ASTN1: variants seen among roughly 807,000 people sequenced by gnomAD.
The protein encoded by ASTN1 is astrotactin 1.
A neutral mutation model predicts 140.7 loss-of-function variants in ASTN1; 41 were observed. The ratio of observed to expected loss-of-function variants is 0.29; its 90% CI spans 0.23 to 0.38. The LOEUF (loss-of-function observed/expected upper bound fraction) is 0.38, where lower values mean the gene tolerates loss of function less well. ASTN1 is among the 10% of genes least tolerant of loss of function. ASTN1 has a pLI of 1.00. For synonymous variants in ASTN1, 640 were observed against 652.2 expected, an observed-to-expected ratio of 0.98 and a Z score of 0.29; for missense variants, 1,479 against 1,678.8, an observed-to-expected ratio of 0.88 and a Z score of 2.08.
At chr1:177,026,721 T>A (rs931789091) in intron 5 of ASTN1, among the ~76,000 whole-genome samples, 1 of 152,218 alleles carries the variant, frequency 6.6e-6, no homozygotes, top group African/African-American at 2.4e-5. Flanking sequence ...TTAGATGATA[T>A]CTCATTGTAG....
At chr1:176,942,611 A>G (rs983945365) in intron 14 of ASTN1, among the ~76,000 whole-genome samples, 4 of 151,596 alleles carry the variant, frequency 2.6e-5, no homozygotes, top group Non-Finnish European at 5.9e-5. Flanking sequence ...CCTGCCTCCC[A>G]TTCTATTCAA....
At chr1:177,010,852 T>A (rs1328564515) in intron 8 of ASTN1, among the ~76,000 whole-genome samples, 2 of 152,224 alleles carry the variant, frequency 1.3e-5, no homozygotes, top group Admixed American at 6.5e-5. Context: ...ATAATCCAGA[T>A]AAATAAAAGT....
chr1:177,037,192 T>C (rs542763507), intron 2 of ASTN1, among the ~76,000 whole-genome samples: 2 of 152,186 alleles, frequency 1.3e-5, no homozygotes, highest in East Asian at 3.9e-4. Context: ...ATGGATACTG[T>C]AGGATTTTCC....
chr1:177,122,493 G>C (rs983890676), intron 1 of ASTN1, among the ~76,000 whole-genome samples: 11 of 152,108 alleles, frequency 7.2e-5, no homozygotes, highest in African/African-American at 2.2e-4. Flanking sequence ...ATGCTAGAGG[G>C]AAGATTTTTA....
At chr1:177,071,042 C>T (rs531593758) in intron 1 of ASTN1, among the ~76,000 whole-genome samples, 3 of 152,276 alleles carry the variant, frequency 2.0e-5, no homozygotes, top group South Asian at 2.1e-4. Flanking sequence ...GCTGCTTAAA[C>T]GTCTTCATAA....
chr1:176,890,549 G>T (rs1268641508), intron 17 of ASTN1, among the ~76,000 whole-genome samples: 2 of 152,194 alleles, frequency 1.3e-5, no homozygotes, highest in Admixed American at 6.5e-5. Context: ...GTGGGTTATG[G>T]TGAGGCAGGG....
intron 2 of ASTN1, among the ~76,000 whole-genome samples, chr1:177,033,410 T>C (rs1571684356): frequency 6.6e-6 from 1 of 152,130 alleles, no homozygotes; most frequent in Admixed American, 6.6e-5. Flanking sequence ...CCCAGGGTGG[T>C]TGTAAGAATT....
chr1:176,888,366 G>T (rs562498293), intron 17 of ASTN1, among the ~76,000 whole-genome samples, 162 bp from the exon 18 acceptor site: 4 of 152,180 alleles, frequency 2.6e-5, no homozygotes, highest in Non-Finnish European at 5.9e-5. Context: ...CCAGGAGATT[G>T]TTTCTGGGAA....
At chr1:177,067,322 A>C (rs1439665169) in intron 1 of ASTN1, among the ~76,000 whole-genome samples, 2 of 152,188 alleles carry the variant, frequency 1.3e-5, no homozygotes, top group Non-Finnish European at 2.9e-5. Flanking sequence ...CTCAGCAGCC[A>C]TTATGAGCTT....
intron 1 of ASTN1, among the ~76,000 whole-genome samples, chr1:177,095,708 G>A (rs1255559512): frequency 6.6e-6 from 1 of 152,214 alleles, no homozygotes; most frequent in Non-Finnish European, 1.5e-5. Flanking sequence ...GAGGTCCACT[G>A]TGGTGATGGA....
chr1:177,076,512 ATCTTT>A (rs1223188109), intron 1 of ASTN1, among the ~76,000 whole-genome samples: 2 of 149,684 alleles, frequency 1.3e-5, no homozygotes, highest in African/African-American at 4.9e-5. Flanking sequence ...GCTTTTCTTT[ATCTTT>A]TCTTTTCTTT....
intron 1 of ASTN1, among the ~76,000 whole-genome samples, chr1:177,092,382 T>C (rs949555965): frequency 6.6e-6 from 1 of 152,212 alleles, no homozygotes; most frequent in Non-Finnish European, 1.5e-5. Context: ...TAGGAGTTCT[T>C]TATACATACT....
At chr1:176,882,185 T>A (rs1668830736) in intron 20 of ASTN1, among the ~76,000 whole-genome samples, 1 of 152,258 alleles carries the variant, frequency 6.6e-6, no homozygotes, top group Non-Finnish European at 1.5e-5. Context: ...GTTCGCTGCA[T>A]TTCTTTGAAG....
chr1:176,864,275 C>T lies in ASTN1; in HGVS notation c.*9G>A. Reference sequence around the variant, plus strand: ...TTCATTCTGGCAGCAGCTCCCTGGCCTTATGGTGCTAGATCTCTTTGCTGT... The same window carrying T: ...TTCATTCTGGCAGCAGCTCCCTGGCTTTATGGTGCTAGATCTCTTTGCTGT... On this transcript the variant is annotated 3_prime_UTR_variant, in exon 23 of 23. Transcript: ENST00000361833. The T allele has an allele frequency of 6.2e-7, 1 of 1,613,152 alleles. No homozygotes were observed. The highest frequency in any genetic ancestry group is 8.5e-7 in the Non-Finnish European group (1 of 1,179,502).
At chr1:177,005,203 C>G (rs1674932102) in intron 8 of ASTN1, among the ~76,000 whole-genome samples, 1 of 151,922 alleles carries the variant, frequency 6.6e-6, no homozygotes, top group African/African-American at 2.4e-5. Flanking sequence ...AAAAAAAATA[C>G]AAATGGCCAG....
chr1:176,966,129 A>T (rs895955949), intron 8 of ASTN1, among the ~76,000 whole-genome samples: 4 of 152,218 alleles, frequency 2.6e-5, no homozygotes, highest in Non-Finnish European at 5.9e-5. Flanking sequence ...ACACTTGTGC[A>T]ACTTACAGTC....
At chr1:177,073,474 A>G (rs564636838) in intron 1 of ASTN1, among the ~76,000 whole-genome samples, 1 of 151,360 alleles carries the variant, frequency 6.6e-6, no homozygotes, top group East Asian at 1.9e-4. Context: ...GAACAAGGTC[A>G]CATATACTTT....
At chr1:177,163,494 T>C (rs1482624274) in intron 1 of ASTN1, among the ~76,000 whole-genome samples, 1 of 152,106 alleles carries the variant, frequency 6.6e-6, no homozygotes, top group East Asian at 1.9e-4. Context: ...TTTGAAGTAA[T>C]GTATGGGTTC....
At chr1:176,969,560 G>T (rs1203628196) in intron 8 of ASTN1, among the ~76,000 whole-genome samples, 1 of 152,140 alleles carries the variant, frequency 6.6e-6, no homozygotes, top group Non-Finnish European at 1.5e-5. Context: ...GCTTGTAATG[G>T]TAAGAGTGTT....
Sources: gnomAD v4.1 joint callset for allele counts (sites outside exome capture counted in the v4.1 genomes callset) on GRCh38, gnomAD v4.1.1 for gene constraint, MANE v1.5 for transcripts, NCBI Gene and HGNC (gene_info 2026-07-23, HGNC 2026-07-21) for gene names.